Variants in ST3GAL6 observed in about 807,000 individuals in gnomAD.
ST3GAL6 encodes ST3 beta-galactoside alpha-2,3-sialyltransferase 6, also known as type 2 lactosamine alpha-2,3-sialyltransferase.
A neutral mutation model predicts 40.5 loss-of-function variants in ST3GAL6; 31 were observed. That is an observed-to-expected ratio of 0.77 (90% CI 0.58 to 1.03). The LOEUF (loss-of-function observed/expected upper bound fraction) is 1.03, where lower values mean the gene tolerates loss of function less well. Among genes scored for constraint, ST3GAL6 ranks in the 50% least tolerant of loss-of-function variants. ST3GAL6 has a pLI of 0.00. For missense variants in ST3GAL6, 357 were observed against 393.2 expected (o/e 0.91, Z 0.78); for synonymous variants, 129 against 136.9 (o/e 0.94, Z 0.40).
intron 1 of ST3GAL6, among the ~76,000 whole-genome samples, chr3:98,739,395 A>G (rs1158387195): frequency 6.8e-6 from 1 of 146,098 alleles, no homozygotes; most frequent in African/African-American, 2.5e-5. Context: ...AAACAAAAAA[A>G]AAACCCCAAA....
chr3:98,741,001 A>G (rs1936028038), intron 1 of ST3GAL6, among the ~76,000 whole-genome samples: 1 of 151,852 alleles, frequency 6.6e-6, no homozygotes, highest in African/African-American at 2.4e-5. Flanking sequence ...ATCATATGCC[A>G]AGTACTCTGC....
intron 5 of ST3GAL6, chr3:98,782,807 CA>C (rs1463555868): frequency 1.4e-5 from 7 of 511,730 alleles, no homozygotes; most frequent in Non-Finnish European, 2.3e-5. Flanking sequence ...TCAGGAGAAA[CA>C]GGAGTTGAAT....
chr3:98,787,745 C>G (rs1387903427), intron 6 of ST3GAL6, among the ~76,000 whole-genome samples: 1 of 152,192 alleles, frequency 6.6e-6, no homozygotes, highest in African/African-American at 2.4e-5. Context: ...TGTGTTCCCA[C>G]TTTTTTAAAT....
intron 1 of ST3GAL6, among the ~76,000 whole-genome samples, chr3:98,744,854 A>G (rs1364771472): frequency 1.3e-5 from 2 of 152,158 alleles, no homozygotes; most frequent in African/African-American, 2.4e-5. Context: ...GAACTTTGGC[A>G]TGTCAAAGAT....
Position 98,768,455 on chromosome 3 carries a change from T to G in ST3GAL6, c.15T>G (p.Leu5=). 6.2e-7 allele frequency: 1 copy of G among 1,613,930 alleles called. No homozygotes were observed. The highest frequency in any genetic ancestry group is 8.5e-7 in the Non-Finnish European group (1 of 1,179,800). ...GTGAGCCAGCCATGAGAGGGTATCT[T>G]GTGGCCATATTCCTGAGTGCTGTCT... MRGY[L]VAIFLSAVFL... Residue 5 remains leucine (L), a synonymous_variant, in exon 2 of 10, where the codon CTT becomes CTG. Coordinates refer to ENST00000483910, the MANE Select transcript of ST3GAL6 (RefSeq NM_001323368.2).
chr3:98,733,203 C>T (rs1935197077), intron 1 of ST3GAL6: 1 of 934,312 alleles, frequency 1.1e-6, no homozygotes, highest in Non-Finnish European at 1.3e-6. Context: ...GTAAAGGGAC[C>T]ATGGGCGCTG....
In ST3GAL6 at chr3:98,791,998, T is replaced by A. The variant is rs1358324932; in HGVS notation, c.909+5T>A. On this transcript the variant is annotated splice_donor_5th_base_variant and intron_variant, in intron 9 of 9. Transcript: ENST00000483910. ...ACCATGTCTTTGATGAATAAGGTAATATACTGTACTTTAGGTAATATACAT... is the reference window on the plus strand; with the variant it reads ...ACCATGTCTTTGATGAATAAGGTAAAATACTGTACTTTAGGTAATATACAT... 1.2e-5 allele frequency: 19 copies of A among 1,605,804 alleles called. No homozygotes were observed. Among genetic ancestry groups the A allele is most frequent in the African/African-American group, 1.3e-5 (1 of 74,630 alleles).
chr3:98,770,967 A>G lies in ST3GAL6; in HGVS notation c.167+11A>G, dbSNP rs1274641618. 6.2e-7 allele frequency: 1 copy of G among 1,612,304 alleles called. No homozygotes were observed. Among genetic ancestry groups the G allele is most frequent in the East Asian group, 2.2e-5 (1 of 44,856 alleles). On this transcript the variant is annotated intron_variant, in intron 3 of 9. Transcript: ENST00000483910. ...TGCCTCTCTGCTGAGGTAAAAATAT[A>G]CCAGAAAAACCTGTGGCATACAAAA... is the stretch of plus-strand genomic sequence containing the variant.
chr3:98,779,051 T>A (rs1160322233), intron 5 of ST3GAL6, among the ~76,000 whole-genome samples: 1 of 152,142 alleles, frequency 6.6e-6, no homozygotes, highest in African/African-American at 2.4e-5. Context: ...CTTGCACATA[T>A]GTTTGGAGTG....
intron 9 of ST3GAL6, 95 bp downstream of exon 9, chr3:98,792,088 G>A (rs746805233): frequency 3.1e-5 from 39 of 1,246,354 alleles, no homozygotes; most frequent in Non-Finnish European, 3.2e-5. Context: ...TCATTTTACT[G>A]AGGGACCACG....
In ST3GAL6 at chr3:98,785,115, T is replaced by C. The variant is rs984053477; in HGVS notation, c.431+75T>C. The C allele has an allele frequency of 7.7e-6, 8 of 1,044,088 alleles. No homozygotes were observed. The African/African-American group carries it at 1.3e-4, about 17-fold the overall frequency. The allele number at this position is 1,044,088 out of a possible 1,614,324, so 64.7% of individuals were successfully genotyped here. A position where few individuals can be genotyped will look rare whatever the true frequency, so the allele number is the denominator to read the frequency against. ...GTTTCTTGCCTTAATACAGCTGTGT[T>C]TTGACAGGAAGGGGAGATGTTTCCA... On this transcript the variant is annotated intron_variant, in intron 6 of 9. Transcript: ENST00000483910.
At chr3:98,763,697 A>G (rs1266815821) in intron 1 of ST3GAL6, among the ~76,000 whole-genome samples, 2 of 151,284 alleles carry the variant, frequency 1.3e-5, no homozygotes, top group African/African-American at 4.9e-5. Context: ...GCCTCACCCC[A>G]GGGCAGATGG....
At chr3:98,768,365 C>A in intron 1 of ST3GAL6, 65 bp from the exon 2 acceptor site, 1 of 1,120,444 alleles carries the variant, frequency 8.9e-7, no homozygotes, top group Non-Finnish European at 1.4e-6. Flanking sequence ...ATATTTGAGC[C>A]ATTGTGAAAA....
At chr3:98,782,477 G>A (rs1940227483) in intron 5 of ST3GAL6, 1 of 614,008 alleles carries the variant, frequency 1.6e-6, no homozygotes, top group Admixed American at 2.8e-5. Context: ...AGAAAAGGAA[G>A]TGTCATCCAT....
intron 1 of ST3GAL6, among the ~76,000 whole-genome samples, chr3:98,751,919 CA>C (rs1937034878): frequency 6.6e-6 from 1 of 152,116 alleles, no homozygotes; most frequent in African/African-American, 2.4e-5. Flanking sequence ...CATAATCAAG[CA>C]TAATTATTTC....
At chr3:98,752,319 C>T (rs2107343936) in intron 1 of ST3GAL6, among the ~76,000 whole-genome samples, 1 of 152,180 alleles carries the variant, frequency 6.6e-6, no homozygotes, top group East Asian at 1.9e-4. Context: ...GTACCATTTT[C>T]CCACAGTATG....
At chr3:98,766,266 G>A (rs142799466) in intron 1 of ST3GAL6, among the ~76,000 whole-genome samples, 2 of 152,222 alleles carry the variant, frequency 1.3e-5, no homozygotes, top group East Asian at 3.9e-4. Flanking sequence ...ATGTTTTGGA[G>A]AATACATAGG....
rs1559749893 is a variant in ST3GAL6, at chr3:98,782,231, G to A, written c.336-2714G>A. ...GAAACAGAGAGCCCAGGACCATGAG[G>A]CTTCCGCCTGCTGGACAGCAAGGAC... On this transcript the variant is annotated intron_variant, in intron 5 of 9. Coordinates refer to ENST00000483910, the MANE Select transcript of ST3GAL6 (RefSeq NM_001323368.2). The A allele has an allele frequency of 4.3e-6, 3 of 703,164 alleles. No homozygotes were observed. In the Admixed American group the frequency reaches 6.0e-5, roughly 14 times the overall value. 43.6% of individuals were successfully genotyped at this position (703,164 alleles called of 1,614,324 possible).
chr3:98,782,696 A>C (rs1203521802), intron 5 of ST3GAL6: 3 of 443,796 alleles, frequency 6.8e-6, no homozygotes, highest in Non-Finnish European at 8.7e-6. Flanking sequence ...TATTTCAAAA[A>C]CTGCTGCCAG....
Sources: allele counts gnomAD v4.1 joint callset (sites outside exome capture counted in the v4.1 genomes callset), GRCh38; gene constraint gnomAD v4.1.1; transcripts MANE v1.5; gene names NCBI Gene and HGNC (gene_info 2026-07-23, HGNC 2026-07-21).